Variants in CNTN3 observed in about 807,000 individuals in gnomAD.
CNTN3 encodes contactin 3, also known as contactin-3.
In CNTN3, 60 loss-of-function variants were observed where a neutral mutation model predicts 119.1. That is an observed-to-expected ratio of 0.50 (90% confidence interval 0.41 to 0.62). The LOEUF (loss-of-function observed/expected upper bound fraction) is 0.62, where lower values mean the gene tolerates loss of function less well. Among genes scored for constraint, CNTN3 ranks in the 20% least tolerant of loss-of-function variants. CNTN3 has a pLI of 0.00. For missense variants in CNTN3, 1,101 were observed against 1,242.4 expected (o/e 0.89, Z 1.71); for synonymous variants, 450 against 438.7 (o/e 1.03, Z -0.32).
intron 1 of CNTN3, among the ~76,000 whole-genome samples, chr3:74,613,081 G>T (rs1286083438): frequency 6.6e-6 from 1 of 152,168 alleles, no homozygotes; most frequent in Non-Finnish European, 1.5e-5. Flanking sequence ...TAACACATTT[G>T]ACTTGATATT....
intron 11 of CNTN3, among the ~76,000 whole-genome samples, chr3:74,346,310 G>A (rs1434643206): frequency 6.6e-6 from 1 of 151,892 alleles, no homozygotes; most frequent in South Asian, 2.1e-4. Context: ...CTCTTTTTTA[G>A]TATTTGAATG....
chr3:74,320,564 G>T (rs901780398), intron 13 of CNTN3, among the ~76,000 whole-genome samples: 1 of 152,068 alleles, frequency 6.6e-6, no homozygotes, highest in Admixed American at 6.5e-5. Flanking sequence ...ATATACCTAA[G>T]GCTAAATGAC....
At position 74,301,539 on chromosome 3, in the gene CNTN3, C is replaced by A. The variant is rs200530668; in HGVS notation, c.1954G>T (p.Val652Phe). The A allele has an allele frequency of 7.4e-6, 12 of 1,613,870 alleles. 1 individual carries two copies. The South Asian group carries it at 1.3e-4, about 18-fold the overall frequency. ...GWQTVTTVPE[V>F]IDGKTHTATV... Reference sequence around the variant, plus strand: ...GCTGTGTGCGTCTTCCCATCGATGACCTCAGGCACTACAAAGGAATATTTC... The same window carrying A: ...GCTGTGTGCGTCTTCCCATCGATGAACTCAGGCACTACAAAGGAATATTTC... The change falls in exon 16 of 23, where the codon GTC becomes TTC. Residue 652 changes from valine to phenylalanine, a missense_variant. Physicochemically the swap from Val to Phe is conservative, Grantham distance 50. Coordinates refer to ENST00000263665, the MANE Select transcript of CNTN3 (RefSeq NM_020872.3).
chr3:74,491,486 C>G (rs1326439762), intron 3 of CNTN3, among the ~76,000 whole-genome samples: 1 of 152,026 alleles, frequency 6.6e-6, no homozygotes. Context: ...GGCAACAGAA[C>G]CAGATCCTGT....
intron 4 of CNTN3, among the ~76,000 whole-genome samples, chr3:74,425,548 C>T (rs917824604): frequency 3.3e-5 from 5 of 152,088 alleles, no homozygotes; most frequent in East Asian, 3.9e-4. Context: ...AAAGACAAAG[C>T]GTGTATCAGA....
chr3:74,593,637 C>G (rs1704741383), intron 1 of CNTN3, among the ~76,000 whole-genome samples: 1 of 151,872 alleles, frequency 6.6e-6, no homozygotes, highest in South Asian at 2.1e-4. Context: ...AGAGTTATGA[C>G]AGGTTGATTA....
chr3:74,551,065 T>G (rs926899135), intron 1 of CNTN3, among the ~76,000 whole-genome samples: 3 of 152,228 alleles, frequency 2.0e-5, no homozygotes, highest in Non-Finnish European at 4.4e-5. Flanking sequence ...TGAGACTCCT[T>G]GTACCTTAGA....
chr3:74,380,095 C>A (rs997285203), intron 5 of CNTN3, among the ~76,000 whole-genome samples: 1 of 152,158 alleles, frequency 6.6e-6, no homozygotes, highest in Non-Finnish European at 1.5e-5. Flanking sequence ...TCAGATAGAA[C>A]GAACTGGGAA....
At chr3:74,444,069 C>T (rs574021055) in intron 4 of CNTN3, among the ~76,000 whole-genome samples, 1 of 152,208 alleles carries the variant, frequency 6.6e-6, no homozygotes, top group African/African-American at 2.4e-5. Context: ...GTAGATGCAT[C>T]ACTATAATCT....
chr3:74,586,875 G>A (rs1046790761), intron 1 of CNTN3, among the ~76,000 whole-genome samples: 1 of 151,994 alleles, frequency 6.6e-6, no homozygotes, highest in African/African-American at 2.4e-5. Flanking sequence ...CTTTTCTCAA[G>A]TAATTCTTAA....
chr3:74,312,822 G>C lies in CNTN3; in HGVS notation c.1669-10015C>G, dbSNP rs530574113. On this transcript the variant is annotated intron_variant, in intron 13 of 22. Transcript: ENST00000263665. ...AAGGCAAAAATACATAGTTTGAAGA[G>C]ACTGAACAAGCATCAGAACAAGAGT... 1.9e-4 allele frequency among the ~76,000 whole-genome samples: 29 copies of C among 152,214 alleles called. 1 individual carries two copies. Among genetic ancestry groups the C allele is most frequent in the African/African-American group, 6.5e-4 (27 of 41,524 alleles).
chr3:74,407,809 A>G (rs1374562518), intron 5 of CNTN3, among the ~76,000 whole-genome samples: 2 of 152,158 alleles, frequency 1.3e-5, no homozygotes, highest in African/African-American at 4.8e-5. Flanking sequence ...TGACAAATAC[A>G]TACTTGATGG....
At chr3:74,441,315 T>C (rs1701962587) in intron 4 of CNTN3, among the ~76,000 whole-genome samples, 1 of 152,206 alleles carries the variant, frequency 6.6e-6, no homozygotes, top group South Asian at 2.1e-4. Flanking sequence ...ATAGCATCCT[T>C]GTTTCCATGG....
intron 4 of CNTN3, among the ~76,000 whole-genome samples, chr3:74,431,067 T>C (rs1279504534): frequency 6.6e-6 from 1 of 152,144 alleles, no homozygotes; most frequent in Middle Eastern, 3.2e-3. Flanking sequence ...TAGCTTTTTG[T>C]AAAAATTCAC....
chr3:74,351,818 T>C (rs1703823559), intron 11 of CNTN3, among the ~76,000 whole-genome samples: 1 of 152,204 alleles, frequency 6.6e-6, no homozygotes, highest in South Asian at 2.1e-4. Flanking sequence ...TGGGATTTCA[T>C]TGACTCTTCT....
intron 4 of CNTN3, among the ~76,000 whole-genome samples, chr3:74,449,515 A>C (rs34698245): frequency 0.29 from 44,368 of 151,972 alleles, 6,562 homozygotes; most frequent in Non-Finnish European, 0.33. Flanking sequence ...CCAGTCCTAA[A>C]AATTCTGATT....
chr3:74,557,012 GT>G (rs1234617030), intron 1 of CNTN3, among the ~76,000 whole-genome samples: 1 of 152,032 alleles, frequency 6.6e-6, no homozygotes. Context: ...CATCGTGAGA[GT>G]TTTTTTGTAT....
chr3:74,605,182 T>A (rs564974742), intron 1 of CNTN3, among the ~76,000 whole-genome samples: 1 of 152,200 alleles, frequency 6.6e-6, no homozygotes, highest in Admixed American at 6.5e-5. Flanking sequence ...GGATACAGAA[T>A]TTCTGTTGGA....
At chr3:74,420,461 AG>A (rs1701598962) in intron 5 of CNTN3, among the ~76,000 whole-genome samples, 1 of 152,242 alleles carries the variant, frequency 6.6e-6, no homozygotes, top group African/African-American at 2.4e-5. Context: ...AATAAACAAA[AG>A]AAAGTTATAA....
Sources: gnomAD v4.1 joint callset for allele counts (sites outside exome capture counted in the v4.1 genomes callset) on GRCh38, gnomAD v4.1.1 for gene constraint, MANE v1.5 for transcripts, NCBI Gene and HGNC (gene_info 2026-07-23, HGNC 2026-07-21) for gene names.